FRMD5: variants seen among roughly 807,000 people sequenced by gnomAD.
FRMD5 encodes FERM domain containing 5.
Under a neutral mutation model 69.0 loss-of-function variants are expected in FRMD5, and 20 were observed. That is an observed-to-expected ratio of 0.29 (90% CI 0.20 to 0.42). FRMD5 has a LOEUF of 0.42. Ranked by LOEUF, FRMD5 falls within the 10% of genes least tolerant of loss-of-function variation. FRMD5 has a pLI of 1.00. For missense variants in FRMD5, 595 were observed against 708.6 expected, an observed-to-expected ratio of 0.84 and a Z score of 1.82; for synonymous variants, 271 against 260.1, an observed-to-expected ratio of 1.04 and a Z score of -0.40.
chr15:43,915,185 C>T (rs1480870307), intron 4 of FRMD5, among the ~76,000 whole-genome samples: 1 of 152,204 alleles, frequency 6.6e-6, no homozygotes, highest in African/African-American at 2.4e-5. Flanking sequence ...AGCCCACTGC[C>T]ATAGTTTCCA....
chr15:43,992,195 T>C (rs372201008), intron 1 of FRMD5, among the ~76,000 whole-genome samples: 2 of 152,102 alleles, frequency 1.3e-5, no homozygotes, highest in Admixed American at 6.5e-5. Context: ...CAGTTGGAGA[T>C]TGTTCTGAGT....
intron 1 of FRMD5, among the ~76,000 whole-genome samples, chr15:44,146,020 A>G (rs1175362946): frequency 1.3e-5 from 2 of 152,216 alleles, no homozygotes; most frequent in Admixed American, 1.3e-4. Context: ...TTTTAGTTCC[A>G]GGATACATGT....
intron 1 of FRMD5, among the ~76,000 whole-genome samples, chr15:44,128,921 G>A (rs2077061084): frequency 6.6e-6 from 1 of 152,162 alleles, no homozygotes; most frequent in Non-Finnish European, 1.5e-5. Context: ...CATATATAAT[G>A]AGTTACTTTT....
In FRMD5 at chr15:43,911,287, T is replaced by C. The variant is rs192298866; in HGVS notation, c.330-1308A>G. Among the ~76,000 whole-genome samples, 13 of 152,356 alleles carry C rather than the reference T, an allele frequency of 8.5e-5. No individual in the cohort carries two copies. In the East Asian group the frequency reaches 1.7e-3, roughly 20 times the overall value. On this transcript the variant is annotated intron_variant, in intron 4 of 13. Transcript: ENST00000417257. Reference sequence around the variant, plus strand: ...AGACTTGGTGACTCACTTCTATCAATAGAATAAAGCATGAGTGAGTGTCTG... The same window carrying C: ...AGACTTGGTGACTCACTTCTATCAACAGAATAAAGCATGAGTGAGTGTCTG...
intron 1 of FRMD5, among the ~76,000 whole-genome samples, chr15:44,188,103 T>C (rs2464692): frequency 0.11 from 16,468 of 152,092 alleles, 2,013 homozygotes; most frequent in African/African-American, 0.31. Flanking sequence ...TCCTTTCCCC[T>C]AGTGCGTCAA....
chr15:44,125,928 T>C (rs756506288), intron 1 of FRMD5, among the ~76,000 whole-genome samples: 2 of 152,240 alleles, frequency 1.3e-5, no homozygotes, highest in African/African-American at 4.8e-5. Flanking sequence ...TTTCCGAGTC[T>C]ATCTAAAAGC....
intron 1 of FRMD5, among the ~76,000 whole-genome samples, chr15:43,933,914 T>C (rs1419697656): frequency 6.6e-6 from 1 of 152,206 alleles, no homozygotes; most frequent in Non-Finnish European, 1.5e-5. Context: ...AGAACTCCCC[T>C]TCTCACCCCA....
At chr15:43,981,901 C>G (rs979806056) in intron 1 of FRMD5, among the ~76,000 whole-genome samples, 1 of 152,238 alleles carries the variant, frequency 6.6e-6, no homozygotes, top group African/African-American at 2.4e-5. Flanking sequence ...CCCTCTCCCC[C>G]ACTTTTCTGC....
At chr15:43,957,971 T>C (rs2090140912) in intron 1 of FRMD5, among the ~76,000 whole-genome samples, 1 of 152,242 alleles carries the variant, frequency 6.6e-6, no homozygotes, top group Non-Finnish European at 1.5e-5. Flanking sequence ...ACAAGGTATA[T>C]ATCATTAACC....
At chr15:43,980,760 G>C (rs1488485324) in intron 1 of FRMD5, among the ~76,000 whole-genome samples, 1 of 152,136 alleles carries the variant, frequency 6.6e-6, no homozygotes, top group East Asian at 1.9e-4. Context: ...TAATGAAGGA[G>C]AATATTTCAG....
chr15:44,180,969 C>T (rs2077989911), intron 1 of FRMD5, among the ~76,000 whole-genome samples: 1 of 152,040 alleles, frequency 6.6e-6, no homozygotes, highest in South Asian at 2.1e-4. Context: ...AGTGAGAAAA[C>T]ATTCTATAGC....
chr15:44,186,985 T>C (rs2078112966), intron 1 of FRMD5, among the ~76,000 whole-genome samples: 1 of 152,186 alleles, frequency 6.6e-6, no homozygotes, highest in Non-Finnish European at 1.5e-5. Flanking sequence ...TGGTGGCCAC[T>C]TAGGTTTGGG....
chr15:43,947,598 G>C (rs143411412), intron 1 of FRMD5, among the ~76,000 whole-genome samples: 1 of 152,156 alleles, frequency 6.6e-6, no homozygotes, highest in African/African-American at 2.4e-5. Flanking sequence ...AAGAAAGAAA[G>C]AAAGACGGAG....
intron 10 of FRMD5, among the ~76,000 whole-genome samples, chr15:43,886,903 G>A (rs1341972926): frequency 6.6e-6 from 1 of 152,204 alleles, no homozygotes; most frequent in Non-Finnish European, 1.5e-5. Context: ...AGAACATTAA[G>A]GAGGCAATGG....
In FRMD5 at chr15:44,017,120, C is replaced by T. The variant is rs548721773; in HGVS notation, c.103-92811G>A. On this transcript the variant is annotated intron_variant, in intron 1 of 13. Coordinates refer to ENST00000417257, the MANE Select transcript of FRMD5 (RefSeq NM_032892.5). Reference sequence around the variant, plus strand: ...TTGGGAGGCTGAGGCAGGCAGATCACGAGGTCAGGAGATCAAGACCATCCT... The same window carrying T: ...TTGGGAGGCTGAGGCAGGCAGATCATGAGGTCAGGAGATCAAGACCATCCT... Among the ~76,000 whole-genome samples the T allele has an allele frequency of 9.8e-4, 149 of 151,968 alleles. 1 individual carries two copies. The highest frequency in any genetic ancestry group is 3.4e-3 in the African/African-American group (141 of 41,488).
chr15:43,945,466 A>G (rs2089930737), intron 1 of FRMD5, among the ~76,000 whole-genome samples: 1 of 152,326 alleles, frequency 6.6e-6, no homozygotes, highest in Non-Finnish European at 1.5e-5. Flanking sequence ...ACTACTGAGG[A>G]CATTTCAATC....
At chr15:43,879,032 G>T (rs1173771559) in intron 13 of FRMD5, among the ~76,000 whole-genome samples, 1 of 150,576 alleles carries the variant, frequency 6.6e-6, no homozygotes, top group African/African-American at 2.4e-5. Context: ...CCGACCCCCG[G>T]GTTCAAGTGA....
intron 1 of FRMD5, among the ~76,000 whole-genome samples, chr15:43,931,914 G>A (rs1051363276): frequency 6.6e-6 from 1 of 152,288 alleles, no homozygotes; most frequent in Non-Finnish European, 1.5e-5. Context: ...GAGCAGAAAG[G>A]GGAGGAGCTC....
At chr15:44,119,726 C>T (rs1356119950) in intron 1 of FRMD5, among the ~76,000 whole-genome samples, 2 of 40,216 alleles carry the variant, frequency 5.0e-5, no homozygotes, top group Non-Finnish European at 1.4e-4. Context: ...AGACTGTCTA[C>T]TTCTTTTTTT....
Sources: gnomAD v4.1 joint callset for allele counts (sites outside exome capture counted in the v4.1 genomes callset) on GRCh38, gnomAD v4.1.1 for gene constraint, MANE v1.5 for transcripts, NCBI Gene and HGNC (gene_info 2026-07-23, HGNC 2026-07-21) for gene names.